The following PCDHA10 variants were observed in gnomAD, a reference collection of about 807,000 sequenced individuals.
PCDHA10 encodes the protein protocadherin alpha-10.
In PCDHA10, 45 loss-of-function variants were observed where a neutral mutation model predicts 61.2. The ratio of observed to expected loss-of-function variants is 0.74; its 90% CI spans 0.58 to 0.94. The LOEUF is 0.94. Ranked by LOEUF, PCDHA10 falls within the 40% of genes least tolerant of loss-of-function variation. PCDHA10 has a pLI of 0.00. For missense variants in PCDHA10, 1,278 were observed against 1,236.2 expected (o/e 1.03, Z -0.51); for synonymous variants, 602 against 548.8 (o/e 1.10, Z -1.35).
chr5:140,904,287 G>A (rs2071024041), intron 1 of PCDHA10, among the ~76,000 whole-genome samples: 1 of 151,908 alleles, frequency 6.6e-6, no homozygotes, highest in Non-Finnish European at 1.5e-5. Context: ...TGTGGTGTTT[G>A]GTTTTCCATT....
chr5:140,888,343 G>C (rs1476390329), intron 1 of PCDHA10, among the ~76,000 whole-genome samples: 1 of 152,152 alleles, frequency 6.6e-6, no homozygotes, highest in Admixed American at 6.5e-5. Context: ...ATTACAACTA[G>C]GGAATTGCTA....
chr5:140,870,750 G>T, intron 1 of PCDHA10: 1 of 1,613,506 alleles, frequency 6.2e-7, no homozygotes, highest in Non-Finnish European at 8.5e-7. Flanking sequence ...GCAACGTGAC[G>T]CTGCAGGTGT....
rs782449567 is a variant in PCDHA10, at chr5:140,928,010, G to T, written c.2389-50939G>T. 4.3e-6 allele frequency: 7 copies of T among 1,614,168 alleles called. No individual in the cohort carries two copies. In the South Asian group the frequency reaches 6.6e-5, roughly 15 times the overall value. On this transcript the variant is annotated intron_variant, in intron 1 of 3. Coordinates refer to ENST00000307360, the MANE Select transcript of PCDHA10 (RefSeq NM_018901.4). Reference sequence around the variant, plus strand: ...AAGGATGAAGACCTCGATTCTAATGGTAGGGTCATTTGTGGCATGTCTAGT... The same window carrying T: ...AAGGATGAAGACCTCGATTCTAATGTTAGGGTCATTTGTGGCATGTCTAGT...
intron 1 of PCDHA10, chr5:140,861,590 GA>G: frequency 2.7e-6 from 1 of 372,284 alleles, no homozygotes; most frequent in South Asian, 2.5e-5. Flanking sequence ...ATGTGGAGGT[GA>G]AAGTGAAGAA....
At chr5:140,977,784 A>G (rs1284023783) in intron 1 of PCDHA10, among the ~76,000 whole-genome samples, 1 of 152,366 alleles carries the variant, frequency 6.6e-6, no homozygotes, top group East Asian at 1.9e-4. Context: ...TAAAGGAACT[A>G]TATGAATGAT....
intron 1 of PCDHA10, among the ~76,000 whole-genome samples, chr5:140,939,456 T>C (rs1554212738): frequency 6.6e-6 from 1 of 152,206 alleles, no homozygotes; most frequent in Non-Finnish European, 1.5e-5. Flanking sequence ...GTGAAATTTA[T>C]AGGCCTAGAA....
At chr5:140,968,442 T>C in intron 1 of PCDHA10, 1 of 1,614,068 alleles carries the variant, frequency 6.2e-7, no homozygotes, top group Non-Finnish European at 8.5e-7. Flanking sequence ...AGCCCACCAC[T>C]GAGCAGCACT....
intron 1 of PCDHA10, chr5:140,871,434 A>G (rs781977570): frequency 1.9e-6 from 3 of 1,612,514 alleles, no homozygotes; most frequent in Non-Finnish European, 2.5e-6. Context: ...GTCTTCCTCT[A>G]GGTCTGAATA....
At chr5:140,942,527 AACTC>A (rs1420689882) in intron 1 of PCDHA10, among the ~76,000 whole-genome samples, 2 of 152,162 alleles carry the variant, frequency 1.3e-5, no homozygotes, top group Non-Finnish European at 2.9e-5. Flanking sequence ...GGAAGCAACT[AACTC>A]AGTATGGTGG....
At chr5:140,916,296 G>C (rs2077516868) in intron 1 of PCDHA10, among the ~76,000 whole-genome samples, 1 of 152,094 alleles carries the variant, frequency 6.6e-6, no homozygotes, top group Admixed American at 6.5e-5. Flanking sequence ...TGGCCAAACT[G>C]GTACCAAAGG....
intron 1 of PCDHA10, among the ~76,000 whole-genome samples, chr5:140,948,865 C>A (rs1358865868): frequency 1.3e-5 from 2 of 151,324 alleles, no homozygotes; most frequent in Non-Finnish European, 3.0e-5. Context: ...TATATTACTT[C>A]GGGTTTACTT....
intron 3 of PCDHA10, among the ~76,000 whole-genome samples, chr5:141,006,275 G>C (rs782763386): frequency 6.6e-6 from 1 of 151,772 alleles, no homozygotes; most frequent in Non-Finnish European, 1.5e-5. Flanking sequence ...GCAGTGGCAC[G>C]ATCTCAGCTC....
At chr5:140,944,809 A>G (rs2093698274) in intron 1 of PCDHA10, among the ~76,000 whole-genome samples, 1 of 152,220 alleles carries the variant, frequency 6.6e-6, no homozygotes, top group African/African-American at 2.4e-5. Flanking sequence ...GAGGGTCCAC[A>G]GTGATCTTTG....
chr5:140,883,674 C>T (rs782029001), intron 1 of PCDHA10: 5 of 1,613,738 alleles, frequency 3.1e-6, no homozygotes, highest in African/African-American at 2.7e-5. Flanking sequence ...GAAAACAATC[C>T]GCCGGGCTGC....
chr5:140,902,783 G>A (rs1013396334), intron 1 of PCDHA10, among the ~76,000 whole-genome samples: 19 of 151,054 alleles, frequency 1.3e-4, no homozygotes, highest in Admixed American at 9.2e-4. Flanking sequence ...TCATAGCTTA[G>A]CTCTCACTTG....
chr5:140,870,358 G>A (rs201159213), intron 1 of PCDHA10: 4 of 1,614,098 alleles, frequency 2.5e-6, no homozygotes, highest in Non-Finnish European at 3.4e-6. Context: ...GAACGTGTGG[G>A]CCTATGAACT....
chr5:140,963,196 GA>G (rs199602110), intron 1 of PCDHA10, among the ~76,000 whole-genome samples: 26 of 147,674 alleles, frequency 1.8e-4, no homozygotes, highest in South Asian at 4.3e-4. Context: ...CTGTGAAAAT[GA>G]AAAAAAAAAC....
intron 3 of PCDHA10, among the ~76,000 whole-genome samples, chr5:140,992,354 A>C (rs996986066): frequency 1.3e-5 from 2 of 152,184 alleles, no homozygotes; most frequent in Non-Finnish European, 2.9e-5. Context: ...TGGAGAGAGG[A>C]GAAAAATGGT....
rs376867914 is a variant in PCDHA10 at position 140,880,239 on chromosome 5, TGC to T, written c.2388+21805_2388+21806del. Among the ~76,000 whole-genome samples the T allele has an allele frequency of 5.6e-3, 860 of 152,302 alleles. 5 individuals carry two copies. The highest frequency in any genetic ancestry group is 0.014 in the Middle Eastern group (4 of 294). On this transcript the variant is annotated intron_variant, in intron 1 of 3. Transcript: ENST00000307360. ...AGTAGAACATTTAAATTAGTGTATG[TGC>T]GTGTGTGTATGTATACATATTTTAG...
Sources: gnomAD v4.1 joint callset for allele counts (sites outside exome capture counted in the v4.1 genomes callset) on GRCh38, gnomAD v4.1.1 for gene constraint, MANE v1.5 for transcripts, NCBI Gene and HGNC (gene_info 2026-07-23, HGNC 2026-07-21) for gene names.